The following ARHGAP39 variants were observed in gnomAD, a reference collection of about 807,000 sequenced individuals.
ARHGAP39 encodes the protein rho GTPase-activating protein 39.
In ARHGAP39, 44 loss-of-function variants were observed where a neutral mutation model predicts 106.9. The ratio of observed to expected loss-of-function variants is 0.41; its 90% CI spans 0.32 to 0.53. The LOEUF is 0.53. Ranked by LOEUF, ARHGAP39 falls within the 20% of genes least tolerant of loss-of-function variation. The probability of loss-of-function intolerance (pLI) is 0.21; values close to 1 mark genes in which losing one functional copy is unlikely to be tolerated. For synonymous variants in ARHGAP39, 768 were observed against 693.2 expected (o/e 1.11, Z -1.69); for missense variants, 1,496 against 1,577.3 (o/e 0.95, Z 0.87).
intron 1 of ARHGAP39, among the ~76,000 whole-genome samples, chr8:144,632,421 G>A (rs1461633107): frequency 6.6e-6 from 1 of 152,176 alleles, no homozygotes; most frequent in East Asian, 1.9e-4. Flanking sequence ...AAAGCATGTC[G>A]ACAAACCCTC....
intron 3 of ARHGAP39, among the ~76,000 whole-genome samples, chr8:144,562,700 T>C (rs1292195551): frequency 2.0e-4 from 30 of 150,058 alleles, no homozygotes; most frequent in Admixed American, 8.6e-4. Flanking sequence ...TCCATCGGAC[T>C]CCAGTGGTTT....
At chr8:144,688,339 A>C (rs1234506235), upstream of ARHGAP39, among the ~76,000 whole-genome samples, 1 of 152,150 alleles carries the variant, frequency 6.6e-6, no homozygotes, top group African/African-American at 2.4e-5. Flanking sequence ...TCCTGACCTC[A>C]AGTGATTCAC....
rs1011492065 is a variant in ARHGAP39 at position 144,549,081 on chromosome 8, G to A, written c.597-592C>T. Among the ~76,000 whole-genome samples the A allele has an allele frequency of 2.6e-5, 4 of 152,350 alleles. No homozygotes were observed. In the East Asian group the frequency reaches 5.8e-4, roughly 22 times the overall value. ...CCTGGCCAAGGGCACCAGAGTCCCC[G>A]GAGTCACGCTGTCTGCGTCCTCACC... On this transcript the variant is annotated intron_variant, in intron 4 of 11. Transcript: ENST00000377307.
At position 144,685,798 on chromosome 8, in the gene ARHGAP39, G is replaced by A. The variant is rs993274804; in HGVS notation, c.-194C>T. Among the ~76,000 whole-genome samples the A allele has an allele frequency of 5.3e-4, 79 of 147,828 alleles. 1 individual carries two copies. The highest frequency in any genetic ancestry group is 2.1e-4 in the South Asian group (1 of 4,818). ...CTGCTGCTCCGCCGCTGCTGCCGCG[G>A]CAGCCCGTGCTGTCGGCGTCCTCCG... On this transcript the variant is annotated 5_prime_UTR_variant, in exon 1 of 12. Coordinates refer to ENST00000377307, the MANE Select transcript of ARHGAP39 (RefSeq NM_025251.3).
intron 3 of ARHGAP39, among the ~76,000 whole-genome samples, chr8:144,568,092 G>A (rs935880614): frequency 6.6e-6 from 1 of 152,154 alleles, no homozygotes; most frequent in African/African-American, 2.4e-5. Context: ...AGCACCTTGG[G>A]AGGCTGAGGT....
At chr8:144,552,177 C>G (rs1346522375) in intron 4 of ARHGAP39, among the ~76,000 whole-genome samples, 4 of 152,242 alleles carry the variant, frequency 2.6e-5, no homozygotes, top group Non-Finnish European at 5.9e-5. Flanking sequence ...GTCAGGCAGG[C>G]AGGGCAGATT....
At chr8:144,576,815 G>A (rs1367010613) in intron 3 of ARHGAP39, among the ~76,000 whole-genome samples, 2 of 152,148 alleles carry the variant, frequency 1.3e-5, no homozygotes, top group Admixed American at 1.3e-4. Context: ...TCGTCCGCTT[G>A]TTTCTTAAAA....
At chr8:144,618,890 A>G (rs905391895) in intron 1 of ARHGAP39, among the ~76,000 whole-genome samples, 1 of 152,238 alleles carries the variant, frequency 6.6e-6, no homozygotes, top group South Asian at 2.1e-4. Flanking sequence ...ACAGTTGCGC[A>G]CTGGTGACAG....
At position 144,641,667 on chromosome 8, in the gene ARHGAP39, G is replaced by A. The variant is rs1821316094; in HGVS notation, c.-81-35972C>T. ...AAGCAGAGCCTGAGACGAGGATGTG[G>A]CTTCATGGGCTCTATTTAGGAGGGG... is the stretch of plus-strand genomic sequence containing the variant. On this transcript the variant is annotated intron_variant, in intron 1 of 11. Coordinates refer to ENST00000377307, the MANE Select transcript of ARHGAP39 (RefSeq NM_025251.3). The surrounding 1 kb of genome is among the most constrained non-coding windows in gnomAD (Gnocchi z 5.2). Among the ~76,000 whole-genome samples the A allele has an allele frequency of 6.6e-6, 1 of 152,250 alleles. No individual in the cohort carries two copies. Among genetic ancestry groups the A allele is most frequent in the Non-Finnish European group, 1.5e-5 (1 of 68,048 alleles).
intron 1 of ARHGAP39, among the ~76,000 whole-genome samples, chr8:144,619,801 CGTGT>C (rs560695902): frequency 1.5e-5 from 2 of 135,150 alleles, no homozygotes; most frequent in Non-Finnish European, 1.6e-5. Flanking sequence ...AGCGCGTGCC[CGTGT>C]GTGTGAGCTT....
intron 3 of ARHGAP39, among the ~76,000 whole-genome samples, chr8:144,567,838 T>C (rs1220575487): frequency 6.6e-6 from 1 of 152,208 alleles, no homozygotes; most frequent in African/African-American, 2.4e-5. Context: ...TTACCTATCA[T>C]TGGAGATGGC....
chr8:144,619,552 G>A lies in ARHGAP39; in HGVS notation c.-81-13857C>T, dbSNP rs530889822. Reference sequence around the variant, plus strand: ...CCTGTGTGCACGTGAGCCTGTGTCCGAGACAGCGTGAGTACCCGTGTGTGT... The same window carrying A: ...CCTGTGTGCACGTGAGCCTGTGTCCAAGACAGCGTGAGTACCCGTGTGTGT... On this transcript the variant is annotated intron_variant, in intron 1 of 11. Coordinates refer to ENST00000377307, the MANE Select transcript of ARHGAP39 (RefSeq NM_025251.3). Among the ~76,000 whole-genome samples the A allele has an allele frequency of 2.1e-4, 32 of 151,176 alleles. No individual in the cohort carries two copies. In the East Asian group the frequency reaches 6.0e-3, roughly 28 times the overall value.
intron 1 of ARHGAP39, among the ~76,000 whole-genome samples, chr8:144,669,379 C>T (rs569886529): frequency 6.1e-4 from 84 of 137,248 alleles, no homozygotes; most frequent in African/African-American, 2.0e-3. Context: ...TGGTGGCGGG[C>T]GCCTGTAGTC....
At chr8:144,675,973 T>C (rs747727340) in intron 1 of ARHGAP39, among the ~76,000 whole-genome samples, 2 of 152,126 alleles carry the variant, frequency 1.3e-5, no homozygotes, top group Non-Finnish European at 2.9e-5. Flanking sequence ...CGTCAGGAGT[T>C]GTTCTTCCCT....
chr8:144,623,948 C>A (rs1820871814), intron 1 of ARHGAP39, among the ~76,000 whole-genome samples: 1 of 152,210 alleles, frequency 6.6e-6, no homozygotes, highest in Non-Finnish European at 1.5e-5. Flanking sequence ...AACAGCACAC[C>A]AACTGCAAAG....
rs554356217 is a variant in ARHGAP39, at chr8:144,604,833, G to A, written c.80+702C>T. Among the ~76,000 whole-genome samples, 27 of 152,296 alleles carry A rather than the reference G, an allele frequency of 1.8e-4. No homozygotes were observed. The South Asian group carries it at 4.8e-3, about 27-fold the overall frequency. The stretch of plus-strand genomic sequence containing the variant: ...CTGAGGGAGCTCACGCTCTCACACC[G>A]CCACCCCCAAAAGCATTCAGAGGCG... On this transcript the variant is annotated intron_variant, in intron 2 of 11. Transcript: ENST00000377307. This position sits in a 1 kb window ranked among gnomAD's most constrained non-coding sequence, Gnocchi z 4.1.
At chr8:144,666,252 T>C (rs1821960722) in intron 1 of ARHGAP39, among the ~76,000 whole-genome samples, 1 of 152,230 alleles carries the variant, frequency 6.6e-6, no homozygotes, top group Admixed American at 6.5e-5. Flanking sequence ...TCGCTTGCTT[T>C]TGATTTTACA....
upstream of ARHGAP39, among the ~76,000 whole-genome samples, chr8:144,690,027 G>A (rs368656043): frequency 3.9e-4 from 60 of 152,182 alleles, no homozygotes; most frequent in African/African-American, 1.4e-3. Flanking sequence ...GATTACAGGC[G>A]TGAGCCACCG....
At chr8:144,615,968 G>A (rs1346004868) in intron 1 of ARHGAP39, among the ~76,000 whole-genome samples, 2 of 152,256 alleles carry the variant, frequency 1.3e-5, no homozygotes, top group Non-Finnish European at 2.9e-5. Flanking sequence ...GCAAGCCATG[G>A]AATGGACTTG....
Sources: gnomAD v4.1 joint callset for allele counts (sites outside exome capture counted in the v4.1 genomes callset) on GRCh38, gnomAD v4.1.1 for gene constraint, Gnocchi (gnomAD v3.1) non-coding constraint, MANE v1.5 for transcripts, NCBI Gene and HGNC (gene_info 2026-07-23, HGNC 2026-07-21) for gene names.